GALNT13: variants seen among roughly 807,000 people sequenced by gnomAD.
GALNT13 encodes polypeptide N-acetylgalactosaminyltransferase 13, also known as UDP-GalNAc:polypeptide N-acetylgalactosaminyltransferase 13.
Under a neutral mutation model 64.2 loss-of-function variants are expected in GALNT13, and 28 were observed. The observed-to-expected ratio is 0.44, with a 90% CI of 0.32 to 0.60. GALNT13 has a LOEUF of 0.60. Ranked by LOEUF, GALNT13 falls within the 20% of genes least tolerant of loss-of-function variation. The pLI is 0.05. For missense variants in GALNT13, 577 were observed against 669.8 expected, an observed-to-expected ratio of 0.86 and a Z score of 1.53; for synonymous variants, 214 against 224.6, an observed-to-expected ratio of 0.95 and a Z score of 0.42.
chr2:153,681,564 C>A, the GALNT13 span, among the ~76,000 whole-genome samples: 1 of 151,664 alleles, frequency 6.6e-6, no homozygotes, highest in African/African-American at 2.4e-5. Flanking sequence ...GAAAGACAAC[C>A]AAACTTTTCT....
At chr2:154,086,158 ATACATATAATACATT>A (rs1442278040) in intron 3 of GALNT13, among the ~76,000 whole-genome samples, 3 of 148,214 alleles carry the variant, frequency 2.0e-5, no homozygotes, top group Admixed American at 1.4e-4. Context: ...ATTATATAGA[ATACATATAATACATT>A]TACATATAAT....
chr2:154,330,584 A>G (rs1274044860), intron 9 of GALNT13, among the ~76,000 whole-genome samples: 2 of 152,050 alleles, frequency 1.3e-5, no homozygotes, highest in South Asian at 2.1e-4. Flanking sequence ...CCAGCTTGAT[A>G]ATGCTCCTCC....
intron 9 of GALNT13, among the ~76,000 whole-genome samples, chr2:154,371,052 G>A (rs1034172701): frequency 6.6e-6 from 1 of 152,098 alleles, no homozygotes; most frequent in Admixed American, 6.6e-5. Context: ...GTGAAACCCT[G>A]CTGAGAAGGG....
chr2:154,333,697 T>C (rs1695288342), intron 9 of GALNT13, among the ~76,000 whole-genome samples: 1 of 152,070 alleles, frequency 6.6e-6, no homozygotes, highest in Non-Finnish European at 1.5e-5. Flanking sequence ...AAAATATCAG[T>C]TGGGCAATGA....
At chr2:153,790,936 C>T in the GALNT13 span, among the ~76,000 whole-genome samples, 1 of 151,972 alleles carries the variant, frequency 6.6e-6, no homozygotes, top group African/African-American at 2.4e-5. Flanking sequence ...CAAAACACTG[C>T]TCAAAGAAAT....
chr2:153,380,624 T>A, the GALNT13 span, among the ~76,000 whole-genome samples: 2 of 152,098 alleles, frequency 1.3e-5, no homozygotes, highest in African/African-American at 4.8e-5. Flanking sequence ...AAGGAACAAC[T>A]GTATGTGAAT....
the GALNT13 span, among the ~76,000 whole-genome samples, chr2:153,827,625 C>G: frequency 2.2e-5 from 2 of 90,488 alleles, no homozygotes; most frequent in East Asian, 7.8e-4. Context: ...GACTCCGTCC[C>G]AAAAAAAAAA....
At chr2:153,280,336 T>C in the GALNT13 span, among the ~76,000 whole-genome samples, 1 of 152,160 alleles carries the variant, frequency 6.6e-6, no homozygotes, top group African/African-American at 2.4e-5. Flanking sequence ...CATTTATTCT[T>C]TGCATTGATT....
At chr2:153,613,120 A>G in the GALNT13 span, among the ~76,000 whole-genome samples, 1 of 152,122 alleles carries the variant, frequency 6.6e-6, no homozygotes, top group African/African-American at 2.4e-5. Flanking sequence ...TTGTAGCTGA[A>G]AGCACCCTAA....
intron 3 of GALNT13, among the ~76,000 whole-genome samples, chr2:154,118,598 G>T (rs1681745954): frequency 6.7e-6 from 1 of 149,904 alleles, no homozygotes; most frequent in Non-Finnish European, 1.5e-5. Flanking sequence ...TTTCTCTCTT[G>T]CAGTCTTTCT....
chr2:154,223,168 T>C (rs1688404993), intron 4 of GALNT13, among the ~76,000 whole-genome samples: 1 of 152,142 alleles, frequency 6.6e-6, no homozygotes, highest in Admixed American at 6.6e-5. Context: ...ATCTTCAATA[T>C]GATTTTAAAG....
At chr2:153,746,375 A>G in the GALNT13 span, among the ~76,000 whole-genome samples, 1 of 152,040 alleles carries the variant, frequency 6.6e-6, no homozygotes, top group East Asian at 1.9e-4. Flanking sequence ...TTTTGTTGTG[A>G]TATATATATG....
At chr2:153,563,339 A>T in the GALNT13 span, among the ~76,000 whole-genome samples, 2 of 151,724 alleles carry the variant, frequency 1.3e-5, no homozygotes, top group Non-Finnish European at 2.9e-5. Context: ...CTTAATTTGC[A>T]TTTGCTGTTT....
chr2:153,996,739 C>A (rs1025598396), intron 3 of GALNT13, among the ~76,000 whole-genome samples: 2 of 151,966 alleles, frequency 1.3e-5, no homozygotes, highest in Non-Finnish European at 2.9e-5. Flanking sequence ...CTGAAAAATT[C>A]TTCTTGAATC....
At chr2:153,635,441 C>CATTTATATATGTATATATATATAT in the GALNT13 span, among the ~76,000 whole-genome samples, 1 of 129,852 alleles carries the variant, frequency 7.7e-6, no homozygotes, top group Non-Finnish European at 1.6e-5. Flanking sequence ...TATATATATA[C>CATTTATATATGTATATATATATAT]ACACATATAT....
At chr2:153,380,253 A>C in the GALNT13 span, among the ~76,000 whole-genome samples, 1,122 of 152,280 alleles carry the variant, frequency 7.4e-3, 16 homozygotes, top group African/African-American at 0.026. Flanking sequence ...GTACACTCTA[A>C]GAACTATTTA....
At chr2:153,109,728 G>C in the GALNT13 span, among the ~76,000 whole-genome samples, 1 of 152,144 alleles carries the variant, frequency 6.6e-6, no homozygotes, top group East Asian at 1.9e-4. Context: ...ACAATAATCT[G>C]ACATTTCCAG....
At chr2:154,047,109 T>C (rs1168718374) in intron 3 of GALNT13, among the ~76,000 whole-genome samples, 1 of 152,202 alleles carries the variant, frequency 6.6e-6, no homozygotes, top group Non-Finnish European at 1.5e-5. Context: ...GCTTTTACAC[T>C]TGTAATATTA....
chr2:154,269,931 A>ATATGTGTATAT (rs1691263050), intron 8 of GALNT13, among the ~76,000 whole-genome samples: 3 of 36,802 alleles, frequency 8.2e-5, no homozygotes, highest in East Asian at 1.9e-3. Context: ...TATATTTCTA[A>ATATGTGTATAT]AGCACAGGGT....
Sources: allele counts gnomAD v4.1 joint callset (sites outside exome capture counted in the v4.1 genomes callset), GRCh38; gene constraint gnomAD v4.1.1; transcripts MANE v1.5; gene names NCBI Gene and HGNC (gene_info 2026-07-23, HGNC 2026-07-21).